The following EXOSC10 variants were observed in gnomAD, a reference collection of about 807,000 sequenced individuals.
EXOSC10 encodes the protein exosome component 10.
Under a neutral mutation model 126.6 loss-of-function variants are expected in EXOSC10, and 94 were observed. The ratio of observed to expected loss-of-function variants is 0.74; its 90% CI spans 0.63 to 0.88. EXOSC10 has a LOEUF of 0.88. EXOSC10 is among the 40% of genes least tolerant of loss of function. The probability of loss-of-function intolerance (pLI) is 0.00; values close to 1 mark genes in which losing one functional copy is unlikely to be tolerated. For synonymous variants in EXOSC10, 395 were observed against 400.8 expected (o/e 0.99, Z 0.17); for missense variants, 1,041 against 1,100.5 (o/e 0.95, Z 0.77).
intron 22 of EXOSC10, among the ~76,000 whole-genome samples, chr1:11,069,173 A>G (rs1455343284): frequency 6.6e-6 from 1 of 151,786 alleles, no homozygotes; most frequent in East Asian, 1.9e-4. Flanking sequence ...TCACAGCCCA[A>G]GCAGCCATAG....
chr1:11,091,532 C>A lies in EXOSC10; in HGVS notation c.438G>T (p.Leu146Phe). ...KNQQPVLPAGLQVPKTVVSSW... is the reference protein window; with the variant it reads ...KNQQPVLPAGFQVPKTVVSSW... ...TGGACACTACCGTTTTGGGGACCTG[C>A]AAGCCGGCAGGGAGGACAGGCTGTT... Residue 146 changes from leucine (L) to phenylalanine (F), a missense_variant, in exon 4 of 25, where the codon TTG becomes TTT. Coordinates refer to ENST00000376936, the MANE Select transcript of EXOSC10 (RefSeq NM_001001998.3). 1.9e-6 allele frequency: 3 copies of A among 1,614,168 alleles called. No individual in the cohort carries two copies. Among genetic ancestry groups the A allele is most frequent in the Non-Finnish European group, 1.7e-6 (2 of 1,180,030 alleles).
chr1:11,074,114 G>A, intron 18 of EXOSC10, 106 bp from the exon 19 acceptor site: 1 of 1,388,998 alleles, frequency 7.2e-7, no homozygotes, highest in Non-Finnish European at 1.0e-6. Context: ...CAGCGTCTTT[G>A]CCAGGACACC....
chr1:11,086,151 G>T (rs1387148295), intron 9 of EXOSC10, among the ~76,000 whole-genome samples: 4 of 151,320 alleles, frequency 2.6e-5, no homozygotes, highest in South Asian at 2.1e-4. Flanking sequence ...GAGTTAGGGA[G>T]GATTCCCTCT....
At chr1:11,069,413 CG>C (rs1327419539) in intron 22 of EXOSC10, 145 bp downstream of exon 22, 1 of 928,750 alleles carries the variant, frequency 1.1e-6, no homozygotes, top group Non-Finnish European at 1.6e-6. Context: ...CACATTGCCA[CG>C]GCCTCTCTGG....
rs142299211 is a variant in EXOSC10, at chr1:11,074,791, G to A, written c.1987-465C>T. 3.3e-5 allele frequency among the ~76,000 whole-genome samples: 5 copies of A among 152,262 alleles called. 1 individual carries two copies. The highest frequency in any genetic ancestry group is 9.6e-5 in the African/African-American group (4 of 41,546). ...CTCTTATGTATAAGGTGTTGTGTCTGCAACAGCACACAGTAGCATTTCAAT... is the reference window on the plus strand; with the variant it reads ...CTCTTATGTATAAGGTGTTGTGTCTACAACAGCACACAGTAGCATTTCAAT... On this transcript the variant is annotated intron_variant, in intron 17 of 24. Coordinates refer to ENST00000376936, the MANE Select transcript of EXOSC10 (RefSeq NM_001001998.3).
At position 11,082,839 on chromosome 1, in the gene EXOSC10, TCTG is replaced by T; in HGVS notation, c.1126_1128del (p.Gln376del). The T allele has an allele frequency of 6.2e-7, 1 of 1,614,200 alleles. No individual in the cohort carries two copies. The highest frequency in any genetic ancestry group is 1.7e-5 in the Admixed American group (1 of 60,024). On this transcript the variant is annotated inframe_deletion, in exon 10 of 25. Coordinates refer to ENST00000376936, the MANE Select transcript of EXOSC10 (RefSeq NM_001001998.3). ...TTTACTACATACAACCCAAAGTCTT[TCTG>T]TAGCCATTCTATGTCTGAATCAGCA...
chr1:11,070,948 C>G lies in EXOSC10; in HGVS notation c.2268G>C (p.Ala756=), dbSNP rs757748706. 6.2e-7 allele frequency: 1 copy of G among 1,614,132 alleles called. No individual in the cohort carries two copies. Among genetic ancestry groups the G allele is most frequent in the Non-Finnish European group, 8.5e-7 (1 of 1,180,012 alleles). ...TGGCCTGTTCTGCTGCAGCTTTGCA[C>G]GCCTCCTTTGCCTGTTCCCGGGCAG... is the stretch of plus-strand genomic sequence containing the variant. ...QTAAREQAKE[A]CKAAAEQAIS... The change falls in exon 21 of 25, where the codon GCG becomes GCC. Residue 756 remains alanine (A), a synonymous_variant. Coordinates refer to ENST00000376936, the MANE Select transcript of EXOSC10 (RefSeq NM_001001998.3).
intron 19 of EXOSC10, among the ~76,000 whole-genome samples, chr1:11,073,674 G>A (rs1639643346): frequency 6.6e-6 from 1 of 151,794 alleles, no homozygotes; most frequent in Non-Finnish European, 1.5e-5. Context: ...TGGATCACCT[G>A]AGGTCAGGAG....
rs1458564657 is a variant in EXOSC10, at chr1:11,066,624, CAGGA to C, written c.*90_*93del. On this transcript the variant is annotated 3_prime_UTR_variant, in exon 25 of 25. Coordinates refer to ENST00000376936, the MANE Select transcript of EXOSC10 (RefSeq NM_001001998.3). ...ATAAAAGTCAGGAATCAGCTTTCTT[CAGGA>C]AGAATTTTAATGGTTTAAAAATATG... 6.9e-7 allele frequency: 1 copy of C among 1,444,474 alleles called. No homozygotes were observed. Among genetic ancestry groups the C allele is most frequent in the Non-Finnish European group, 9.7e-7 (1 of 1,028,672 alleles). 89.5% of individuals were successfully genotyped at this position (1,444,474 alleles called of 1,614,324 possible).
In EXOSC10 at chr1:11,089,327, G is replaced by T. The variant is rs185598917; in HGVS notation, c.759-1129C>A. Among the ~76,000 whole-genome samples, 28 of 151,676 alleles carry T rather than the reference G, an allele frequency of 1.8e-4. 1 individual carries two copies. The highest frequency in any genetic ancestry group is 5.1e-4 in the African/African-American group (21 of 41,408). ...GGAAAGACAAATTTAAGAAAACATGGGGCTGGGTGCGGTGGCTCGGGCCTG... is the reference window on the plus strand; with the variant it reads ...GGAAAGACAAATTTAAGAAAACATGTGGCTGGGTGCGGTGGCTCGGGCCTG... On this transcript the variant is annotated intron_variant, in intron 6 of 24. Transcript: ENST00000376936.
chr1:11,076,147 A>C (rs1639804111), intron 17 of EXOSC10, among the ~76,000 whole-genome samples: 1 of 151,996 alleles, frequency 6.6e-6, no homozygotes, highest in Non-Finnish European at 1.5e-5. Flanking sequence ...CCTGTGCAAC[A>C]AGAGCGAAAC....
chr1:11,091,595 ACC>A lies in EXOSC10; in HGVS notation c.373_374del (p.Gly125TyrfsTer5). On this transcript the variant is annotated frameshift_variant and splice_region_variant, in exon 4 of 25. Transcript: ENST00000376936. LOFTEE classifies it high-confidence loss of function. Reference sequence around the variant, plus strand: ...CACCTGAGGCTTCATCCAGTAAAATACCCTAAGAGTAGAAGAGGTACTGGTTA... The same window carrying A: ...CACCTGAGGCTTCATCCAGTAAAATACTAAGAGTAGAAGAGGTACTGGTTA... The part of the protein sequence containing the change: ...DANDVILERV[G>X]ILLDEASGVN... 6.2e-7 allele frequency: 1 copy of A among 1,612,438 alleles called. No individual in the cohort carries two copies. Among genetic ancestry groups the A allele is most frequent in the Non-Finnish European group, 8.5e-7 (1 of 1,178,554 alleles).
At chr1:11,077,474 G>A in intron 15 of EXOSC10, 31 bp from the exon 16 acceptor site, 2 of 1,608,072 alleles carry the variant, frequency 1.2e-6, no homozygotes, top group African/African-American at 1.3e-5. Flanking sequence ...AGGCTGGCAT[G>A]TAAAACGTGC....
rs773319678 is a variant in EXOSC10 at position 11,069,598 on chromosome 1, G to C, written c.2449C>G (p.Pro817Ala). The C allele has an allele frequency of 2.0e-5, 32 of 1,613,962 alleles. No homozygotes were observed. The highest frequency in any genetic ancestry group is 2.2e-5 in the Non-Finnish European group (26 of 1,180,042). The change falls in exon 22 of 25, where the codon CCT becomes GCT. Residue 817 changes from proline (P) to alanine (A), a missense_variant. Pro to Ala is a conservative substitution (Grantham distance 27, BLOSUM62 -1). Around this residue, in one of 3 missense-constraint regions of EXOSC10, gnomAD observed 388 missense variants for 415.2 expected, o/e 0.93. Coordinates refer to ENST00000376936, the MANE Select transcript of EXOSC10 (RefSeq NM_001001998.3). ...DPEPPEKEFT[P>A]YDYSQSDFKA... ...AAGTCTGACTGGCTGTAGTCGTAAG[G>C]CGTAAACTCTTTTTCTGGTGGCTCT...
At chr1:11,093,284 T>G (rs929669487) in intron 3 of EXOSC10, among the ~76,000 whole-genome samples, 1 of 152,198 alleles carries the variant, frequency 6.6e-6, no homozygotes, top group Admixed American at 6.5e-5. Flanking sequence ...AAGAAGTCCC[T>G]GGACTGCATA....
chr1:11,087,612 G>A (rs757724638), intron 8 of EXOSC10, 21 bp from the exon 9 acceptor site: 1 of 1,611,274 alleles, frequency 6.2e-7, no homozygotes, highest in South Asian at 1.1e-5. Context: ...CAGAAGGAGG[G>A]GAGAAGAGGA....
chr1:11,083,025 A>C, intron 9 of EXOSC10, 147 bp from the exon 10 acceptor site: 1 of 668,554 alleles, frequency 1.5e-6, no homozygotes, highest in Non-Finnish European at 2.5e-6. Context: ...ATCTTGGCTC[A>C]CTGCAACTTC....
At chr1:11,070,266 A>AAG (rs386366224) in intron 21 of EXOSC10, among the ~76,000 whole-genome samples, 1 of 21,746 alleles carries the variant, frequency 4.6e-5, no homozygotes, top group Non-Finnish European at 2.7e-4. Flanking sequence ...AAAGGAAATT[A>AAG]AAAAAAAAAA....
chr1:11,090,711 T>C, intron 5 of EXOSC10, 43 bp from the exon 6 acceptor site: 3 of 1,421,586 alleles, frequency 2.1e-6, no homozygotes, highest in South Asian at 2.5e-5. Flanking sequence ...AGCACATTCA[T>C]GTCTTTTCTA....
Sources: allele counts gnomAD v4.1 joint callset (sites outside exome capture counted in the v4.1 genomes callset), GRCh38; gene constraint gnomAD v4.1.1; regional missense constraint gnomAD v4.1.1; transcripts MANE v1.5; gene names NCBI Gene and HGNC (gene_info 2026-07-23, HGNC 2026-07-21).